RCOR1: variants seen among roughly 807,000 people sequenced by gnomAD.
RCOR1 encodes the protein REST corepressor.
In RCOR1, 12 loss-of-function variants were observed where a neutral mutation model predicts 64.0. The ratio of observed to expected loss-of-function variants is 0.19; its 90% CI spans 0.12 to 0.30. RCOR1 has a LOEUF of 0.30. RCOR1 is among the 10% of genes least tolerant of loss of function. RCOR1 has a pLI of 1.00. For missense variants in RCOR1, 502 were observed against 621.2 expected, an observed-to-expected ratio of 0.81 and a Z score of 2.04; for synonymous variants, 279 against 227.2, an observed-to-expected ratio of 1.23 and a Z score of -2.05.
chr14:102,647,171 C>T (rs1894493423), intron 2 of RCOR1, among the ~76,000 whole-genome samples: 1 of 152,128 alleles, frequency 6.6e-6, no homozygotes, highest in Non-Finnish European at 1.5e-5. Context: ...ACTGAGATTT[C>T]AGAACACTGA....
chr14:102,689,713 A>C (rs1002124486), intron 3 of RCOR1, among the ~76,000 whole-genome samples: 1 of 152,216 alleles, frequency 6.6e-6, no homozygotes, highest in Admixed American at 6.5e-5. Flanking sequence ...TAAAATAGAC[A>C]AAAATGGAAA....
At chr14:102,704,099 T>C (rs771794601) in intron 4 of RCOR1, among the ~76,000 whole-genome samples, 1 of 152,214 alleles carries the variant, frequency 6.6e-6, no homozygotes, top group Non-Finnish European at 1.5e-5. Flanking sequence ...AGGTAGTGAC[T>C]AGGGCTTTTG....
chr14:102,624,388 C>T (rs971459140), intron 2 of RCOR1, among the ~76,000 whole-genome samples: 5 of 151,846 alleles, frequency 3.3e-5, no homozygotes, highest in Non-Finnish European at 7.4e-5. Flanking sequence ...CACCTGTAAT[C>T]CCAGCTACTT....
intron 2 of RCOR1, among the ~76,000 whole-genome samples, chr14:102,653,991 T>TC (rs1894665877): frequency 1.8e-5 from 2 of 112,264 alleles, no homozygotes; most frequent in Admixed American, 1.0e-4. Flanking sequence ...TTCTTTTTTT[T>TC]TTTTTTTTTT....
At chr14:102,659,836 G>A (rs1894795965) in intron 2 of RCOR1, among the ~76,000 whole-genome samples, 1 of 152,202 alleles carries the variant, frequency 6.6e-6, no homozygotes, top group Non-Finnish European at 1.5e-5. Flanking sequence ...AAGCCACTTA[G>A]GGCCTAGATC....
chr14:102,630,470 A>G (rs916460348), intron 2 of RCOR1, among the ~76,000 whole-genome samples: 2 of 152,228 alleles, frequency 1.3e-5, no homozygotes, highest in African/African-American at 4.8e-5. Context: ...TCATATACAT[A>G]CTTATAGATT....
intron 2 of RCOR1, among the ~76,000 whole-genome samples, chr14:102,607,718 C>T (rs1432873385): frequency 6.6e-6 from 1 of 152,164 alleles, no homozygotes; most frequent in African/African-American, 2.4e-5. Flanking sequence ...CCCATATCTA[C>T]TAAAAGTATA....
chr14:102,721,837 C>T (rs1350992403), intron 10 of RCOR1, among the ~76,000 whole-genome samples: 1 of 152,120 alleles, frequency 6.6e-6, no homozygotes, highest in Non-Finnish European at 1.5e-5. Flanking sequence ...AAGTACAAAA[C>T]CCCAAAAGAA....
At chr14:102,644,977 C>T (rs1051242901) in intron 2 of RCOR1, among the ~76,000 whole-genome samples, 12 of 152,096 alleles carry the variant, frequency 7.9e-5, no homozygotes, top group Admixed American at 3.9e-4. Flanking sequence ...TTTGTGCTTT[C>T]GGTAGTTTTG....
At chr14:102,705,536 C>T (rs1895834088) in intron 4 of RCOR1, among the ~76,000 whole-genome samples, 1 of 152,188 alleles carries the variant, frequency 6.6e-6, no homozygotes, top group African/African-American at 2.4e-5. Flanking sequence ...CCTCAAACCC[C>T]TGGGCTCAGT....
At chr14:102,609,682 G>C (rs557345921) in intron 2 of RCOR1, among the ~76,000 whole-genome samples, 103 of 151,854 alleles carry the variant, frequency 6.8e-4, no homozygotes, top group Middle Eastern at 3.4e-3. Context: ...CCTGACCTCA[G>C]GTGATCTGCC....
intron 2 of RCOR1, among the ~76,000 whole-genome samples, chr14:102,677,992 A>G (rs1362500549): frequency 6.6e-5 from 10 of 150,862 alleles, no homozygotes; most frequent in African/African-American, 2.2e-4. Context: ...CGCGGTTAGG[A>G]GCTGGAGACC....
Position 102,592,966 on chromosome 14 carries a change from C to A in RCOR1, c.80C>A (p.Ala27Asp). The A allele has an allele frequency of 2.6e-6, 3 of 1,161,596 alleles. No homozygotes were observed. The highest frequency in any genetic ancestry group is 6.0e-5 in the South Asian group (2 of 33,580). 72.0% of individuals were successfully genotyped at this position (1,161,596 alleles called of 1,614,324 possible). Residue 27 changes from alanine (A) to aspartate (D), a missense_variant, in exon 1 of 12, where the codon GCC becomes GAC. By Grantham distance (126) the Ala-to-Asp change is moderately radical (BLOSUM62 -2). Transcript: ENST00000262241. ...GRNNAAASASAAAASAAASAA... is the reference protein window; with the variant it reads ...GRNNAAASASDAAASAAASAA... ...AACAACGCGGCCGCCTCCGCCTCCGCCGCCGCCGCCTCCGCCGCCGCCTCG... is the reference window on the plus strand; with the variant it reads ...AACAACGCGGCCGCCTCCGCCTCCGACGCCGCCGCCTCCGCCGCCGCCTCG...
chr14:102,656,178 C>T (rs767056009), intron 2 of RCOR1: 129 of 922,018 alleles, frequency 1.4e-4, no homozygotes, highest in Non-Finnish European at 1.6e-4. Flanking sequence ...CTCGCTGTGT[C>T]GCCCAGACTG....
intron 2 of RCOR1, among the ~76,000 whole-genome samples, chr14:102,624,479 C>T (rs1893941307): frequency 6.6e-6 from 1 of 152,088 alleles, no homozygotes; most frequent in African/African-American, 2.4e-5. Context: ...GCACTCCAGC[C>T]TGGGCATCAG....
chr14:102,606,792 C>T (rs1567405234), intron 2 of RCOR1, among the ~76,000 whole-genome samples: 1 of 151,580 alleles, frequency 6.6e-6, no homozygotes, highest in African/African-American at 2.4e-5. Flanking sequence ...TGAGGCACTG[C>T]ACCTGGCTGT....
At chr14:102,593,903 AAG>A (rs1595185111) in intron 2 of RCOR1, among the ~76,000 whole-genome samples, 1 of 152,336 alleles carries the variant, frequency 6.6e-6, no homozygotes, top group South Asian at 2.1e-4. Context: ...CTGCCTGGGG[AAG>A]AGAGTCTCGC....
At chr14:102,699,087 A>G (rs1376572001) in intron 3 of RCOR1, among the ~76,000 whole-genome samples, 1 of 152,180 alleles carries the variant, frequency 6.6e-6, no homozygotes, top group Non-Finnish European at 1.5e-5. Context: ...GGGTTTCACC[A>G]TGTTGGCCAG....
At chr14:102,648,183 A>G (rs528142858) in intron 2 of RCOR1, among the ~76,000 whole-genome samples, 94 of 151,320 alleles carry the variant, frequency 6.2e-4, no homozygotes, top group African/African-American at 2.2e-3. Flanking sequence ...GGTTCAGACA[A>G]TTCTCCTGCC....
Sources: allele counts gnomAD v4.1 joint callset (sites outside exome capture counted in the v4.1 genomes callset), GRCh38; gene constraint gnomAD v4.1.1; transcripts MANE v1.5; gene names NCBI Gene and HGNC (gene_info 2026-07-23, HGNC 2026-07-21).